GLIS3: variants seen among roughly 807,000 people sequenced by gnomAD.
GLIS3 encodes zinc finger protein GLIS3.
A neutral mutation model predicts 78.6 loss-of-function variants in GLIS3; 53 were observed. The ratio of observed to expected loss-of-function variants is 0.67; its 90% CI spans 0.54 to 0.85. The LOEUF (loss-of-function observed/expected upper bound fraction) is 0.85, where lower values mean the gene tolerates loss of function less well. Among genes scored for constraint, GLIS3 ranks in the 40% least tolerant of loss-of-function variants. The pLI is 0.00. For synonymous variants in GLIS3, 684 were observed against 509.9 expected (o/e 1.34, Z -4.60); for missense variants, 1,703 against 1,231.1 (o/e 1.38, Z -5.74).
intron 7 of GLIS3, among the ~76,000 whole-genome samples, chr9:3,897,550 A>G (rs746046993): frequency 2.5e-4 from 38 of 152,016 alleles, no homozygotes; most frequent in Non-Finnish European, 4.7e-4. Flanking sequence ...AGTTTGGTCA[A>G]CCCTTCTTCG....
the GLIS3 span, among the ~76,000 whole-genome samples, chr9:4,385,203 G>A: frequency 2.6e-5 from 4 of 152,236 alleles, no homozygotes; most frequent in Admixed American, 6.5e-5. Context: ...CATTCCCTTC[G>A]ATTTCCCACA....
chr9:4,178,011 T>A (rs1816958367), intron 2 of GLIS3, among the ~76,000 whole-genome samples: 1 of 152,218 alleles, frequency 6.6e-6, no homozygotes, highest in South Asian at 2.1e-4. Flanking sequence ...TATCACTACC[T>A]TTGGGGAAAT....
At chr9:4,170,501 C>T (rs765216097) in intron 2 of GLIS3, among the ~76,000 whole-genome samples, 3 of 152,146 alleles carry the variant, frequency 2.0e-5, no homozygotes, top group Admixed American at 6.6e-5. Context: ...TTCCACATGC[C>T]ATGTACAGTG....
chr9:3,841,593 C>A (rs904735997), intron 9 of GLIS3, among the ~76,000 whole-genome samples: 1 of 152,158 alleles, frequency 6.6e-6, no homozygotes, highest in Non-Finnish European at 1.5e-5. Flanking sequence ...CCCTATAACT[C>A]AAAATTCCTG....
chr9:4,193,552 T>C (rs1384676157), intron 2 of GLIS3, among the ~76,000 whole-genome samples: 1 of 152,214 alleles, frequency 6.6e-6, no homozygotes, highest in Admixed American at 6.5e-5. Context: ...ACGGCTTAAC[T>C]AGGTTAGTGG....
chr9:3,863,318 C>T (rs542784658), intron 8 of GLIS3, among the ~76,000 whole-genome samples: 18 of 152,220 alleles, frequency 1.2e-4, no homozygotes, highest in Non-Finnish European at 1.5e-4. Context: ...TGAATCACAG[C>T]ACGTTACTGG....
At chr9:3,914,207 G>A (rs1362307564) in intron 6 of GLIS3, among the ~76,000 whole-genome samples, 2 of 152,064 alleles carry the variant, frequency 1.3e-5, no homozygotes, top group Non-Finnish European at 2.9e-5. Context: ...GTGCAATGGC[G>A]TGATCATAGC....
At chr9:4,130,253 G>A (rs1832876533) in intron 2 of GLIS3, among the ~76,000 whole-genome samples, 1 of 152,188 alleles carries the variant, frequency 6.6e-6, no homozygotes, top group Non-Finnish European at 1.5e-5. Context: ...CTGGCCATGT[G>A]GTAGAAAAGA....
intron 2 of GLIS3, among the ~76,000 whole-genome samples, chr9:4,137,654 T>C (rs1833498053): frequency 6.6e-6 from 1 of 152,170 alleles, no homozygotes. Context: ...TTAAGCAATA[T>C]TCCTGGAGTT....
the GLIS3 span, among the ~76,000 whole-genome samples, chr9:4,384,676 G>A: frequency 6.6e-6 from 1 of 151,914 alleles, no homozygotes; most frequent in Non-Finnish European, 1.5e-5. Flanking sequence ...TGGTCTCCCA[G>A]CTTACTGCTT....
At chr9:4,292,012 T>C (rs7043265) in intron 1 of GLIS3, among the ~76,000 whole-genome samples, 27,864 of 152,002 alleles carry the variant, frequency 0.18, 3,164 homozygotes, top group East Asian at 0.28. Flanking sequence ...ATTAGGGGTT[T>C]TCTTGGTCAG....
At chr9:4,425,643 G>A in the GLIS3 span, among the ~76,000 whole-genome samples, 1 of 152,320 alleles carries the variant, frequency 6.6e-6, no homozygotes, top group East Asian at 1.9e-4. Flanking sequence ...CATCTGCCTG[G>A]AAACTTCAGC....
chr9:4,106,454 T>G (rs1002626915), intron 4 of GLIS3, among the ~76,000 whole-genome samples: 1 of 152,178 alleles, frequency 6.6e-6, no homozygotes, highest in Non-Finnish European at 1.5e-5. Flanking sequence ...TGCATGATGT[T>G]TACAATTTGT....
At chr9:4,262,012 A>C (rs1040266824) in intron 2 of GLIS3, among the ~76,000 whole-genome samples, 5 of 152,190 alleles carry the variant, frequency 3.3e-5, no homozygotes, top group African/African-American at 1.2e-4. Context: ...GTGGTTGTCT[A>C]GTGCTTAGAA....
chr9:4,388,752 T>C, the GLIS3 span, among the ~76,000 whole-genome samples: 340 of 152,192 alleles, frequency 2.2e-3, 4 homozygotes, highest in African/African-American at 7.6e-3. Flanking sequence ...TATAAAATCA[T>C]CTAACATATA....
At chr9:4,394,723 C>A in the GLIS3 span, among the ~76,000 whole-genome samples, 2 of 152,192 alleles carry the variant, frequency 1.3e-5, no homozygotes, top group Admixed American at 1.3e-4. Context: ...TCTGACTCTA[C>A]GTTTGTTTTT....
intron 7 of GLIS3, among the ~76,000 whole-genome samples, chr9:3,892,672 G>T (rs1447287326): frequency 6.7e-6 from 1 of 149,852 alleles, no homozygotes; most frequent in Non-Finnish European, 1.5e-5. Flanking sequence ...AATAGGAACA[G>T]TTTTTTTTTT....
At chr9:4,457,507 G>C in the GLIS3 span, among the ~76,000 whole-genome samples, 10 of 152,102 alleles carry the variant, frequency 6.6e-5, no homozygotes, top group South Asian at 1.7e-3. Context: ...TTTTGGGTGG[G>C]TTTGGACACA....
chr9:4,256,764 A>G (rs1435354223), intron 2 of GLIS3, among the ~76,000 whole-genome samples: 1 of 151,320 alleles, frequency 6.6e-6, no homozygotes, highest in Non-Finnish European at 1.5e-5. Context: ...CTTTTTAAAA[A>G]TTACACATTC....
Sources: gnomAD v4.1 joint callset for allele counts (sites outside exome capture counted in the v4.1 genomes callset) on GRCh38, gnomAD v4.1.1 for gene constraint, MANE v1.5 for transcripts, NCBI Gene and HGNC (gene_info 2026-07-23, HGNC 2026-07-21) for gene names.